Variants in CNTNAP5 observed in about 807,000 individuals in gnomAD.
CNTNAP5 encodes contactin-associated protein-like 5.
CNTNAP5 carries 72 observed loss-of-function variants against 150.2 expected under a neutral mutation model. That is an observed-to-expected ratio of 0.48 (90% CI 0.40 to 0.58). The LOEUF (loss-of-function observed/expected upper bound fraction) is 0.58. Ranked by LOEUF, CNTNAP5 falls within the 20% of genes least tolerant of loss-of-function variation. The probability of loss-of-function intolerance (pLI) is 0.00; values close to 1 mark genes in which losing one functional copy is unlikely to be tolerated. For missense variants in CNTNAP5, 1,636 were observed against 1,626.2 expected (o/e 1.01, Z -0.10); for synonymous variants, 672 against 619.8 (o/e 1.08, Z -1.25).
chr2:124,864,873 C>T lies in CNTNAP5; in HGVS notation c.3218-433C>T, dbSNP rs565359192. On this transcript the variant is annotated intron_variant, in intron 19 of 23. Transcript: ENST00000682447. ...TCCCATCATGGGCATTATATATCAA[C>T]GGGTGATAACAGGACTGAGTTCTCT... is the stretch of plus-strand genomic sequence containing the variant. 2.9e-4 allele frequency among the ~76,000 whole-genome samples: 44 copies of T among 152,172 alleles called. No homozygotes were observed. The South Asian group carries it at 5.8e-3, about 20-fold the overall frequency.
intron 3 of CNTNAP5, among the ~76,000 whole-genome samples, chr2:124,375,231 G>T (rs1690615328): frequency 6.6e-6 from 1 of 151,382 alleles, no homozygotes; most frequent in South Asian, 2.1e-4. Flanking sequence ...TCTCTCCAAA[G>T]ATATTTATTA....
intron 3 of CNTNAP5, among the ~76,000 whole-genome samples, chr2:124,342,111 CAT>C: frequency 6.6e-6 from 1 of 152,246 alleles, no homozygotes; most frequent in African/African-American, 2.4e-5. Context: ...TCTTCTGAAA[CAT>C]GTGTTTTCTC....
rs931775510 is a variant in CNTNAP5 at position 124,782,432 on chromosome 2, G to C, written c.2753-7470G>C. Among the ~76,000 whole-genome samples, 5 of 152,124 alleles carry C rather than the reference G, an allele frequency of 3.3e-5. No individual in the cohort carries two copies. The East Asian group carries it at 9.6e-4, about 29-fold the overall frequency. On this transcript the variant is annotated intron_variant, in intron 17 of 23. Coordinates refer to ENST00000682447, the MANE Select transcript of CNTNAP5 (RefSeq NM_001367498.1). ...TATTGTGAAATTGATACCTTTTTCT[G>C]TACTAGAAGGTCATGTGGACCTTAA...
intron 11 of CNTNAP5, among the ~76,000 whole-genome samples, chr2:124,606,907 A>G (rs764771916): frequency 6.6e-6 from 1 of 152,184 alleles, no homozygotes; most frequent in Non-Finnish European, 1.5e-5. Flanking sequence ...GGATGAGGAC[A>G]CAGCGAAACC....
At chr2:124,636,272 GT>G (rs776007979) in intron 12 of CNTNAP5, among the ~76,000 whole-genome samples, 2 of 152,102 alleles carry the variant, frequency 1.3e-5, no homozygotes, top group Non-Finnish European at 2.9e-5. Context: ...TTATAAGTTT[GT>G]TGTGAAGCTT....
At chr2:124,528,816 G>A (rs1030711769) in intron 10 of CNTNAP5, among the ~76,000 whole-genome samples, 41 of 152,050 alleles carry the variant, frequency 2.7e-4, no homozygotes, top group African/African-American at 8.9e-4. Flanking sequence ...AAGTGAGAAA[G>A]GTGGATTGGA....
intron 12 of CNTNAP5, among the ~76,000 whole-genome samples, chr2:124,628,648 A>G (rs1437346905): frequency 1.3e-5 from 2 of 152,300 alleles, no homozygotes; most frequent in East Asian, 3.9e-4. Flanking sequence ...CTACTAAACA[A>G]CTACATTAAC....
At chr2:124,387,090 G>A (rs939902543) in intron 3 of CNTNAP5, among the ~76,000 whole-genome samples, 1 of 152,120 alleles carries the variant, frequency 6.6e-6, no homozygotes, top group Non-Finnish European at 1.5e-5. Flanking sequence ...CCAAAACTAT[G>A]GGAAATAAAT....
chr2:124,245,680 CACACAAATATATATAT>C (rs1346759141), intron 3 of CNTNAP5, among the ~76,000 whole-genome samples: 3 of 149,518 alleles, frequency 2.0e-5, no homozygotes, highest in African/African-American at 4.9e-5. Context: ...TATATATATA[CACACAAATATATATAT>C]ACACACAAAT....
chr2:124,911,396 G>A (rs1678651886), intron 22 of CNTNAP5, 71 bp from the exon 23 acceptor site: 2 of 1,096,066 alleles, frequency 1.8e-6, no homozygotes, highest in African/African-American at 1.6e-5. Flanking sequence ...CATTCCAGGT[G>A]GGCCACACTG....
intron 1 of CNTNAP5, among the ~76,000 whole-genome samples, chr2:124,127,164 C>G (rs532845021): frequency 6.6e-6 from 1 of 152,128 alleles, no homozygotes; most frequent in Non-Finnish European, 1.5e-5. Context: ...AAATCCCTAT[C>G]GTCTCAGCCC....
intron 1 of CNTNAP5, among the ~76,000 whole-genome samples, chr2:124,093,575 T>C (rs1682863470): frequency 6.6e-6 from 1 of 152,204 alleles, no homozygotes; most frequent in Non-Finnish European, 1.5e-5. Flanking sequence ...TCTTATTTTT[T>C]TAGGAGGAAT....
chr2:124,774,869 G>A (rs1047033600), intron 17 of CNTNAP5, among the ~76,000 whole-genome samples: 35 of 152,296 alleles, frequency 2.3e-4, no homozygotes, highest in African/African-American at 7.9e-4. Context: ...CAAGTCAAAA[G>A]GGAAAGGCGG....
At chr2:124,859,901 G>A (rs1353231186) in intron 19 of CNTNAP5, among the ~76,000 whole-genome samples, 6 of 152,232 alleles carry the variant, frequency 3.9e-5, no homozygotes, top group Admixed American at 3.9e-4. Flanking sequence ...ATACACTGGG[G>A]CCTGTGGTGG....
In CNTNAP5 at chr2:124,561,008, C is replaced by T. The variant is rs949545514; in HGVS notation, c.1650-2209C>T. ...ACAGAATAAGCACCTATTGAGTGTG[C>T]TTTGCTCAGTTTTTCTTTCTTAAGG... On this transcript the variant is annotated intron_variant, in intron 10 of 23. Coordinates refer to ENST00000682447, the MANE Select transcript of CNTNAP5 (RefSeq NM_001367498.1). Among the ~76,000 whole-genome samples, 5 of 151,926 alleles carry T rather than the reference C, an allele frequency of 3.3e-5. No homozygotes were observed. In the East Asian group the frequency reaches 7.7e-4, roughly 23 times the overall value.
intron 1 of CNTNAP5, among the ~76,000 whole-genome samples, chr2:124,056,340 G>A (rs1681845047): frequency 6.6e-6 from 1 of 152,110 alleles, no homozygotes; most frequent in Admixed American, 6.5e-5. Flanking sequence ...CAACTGGAGT[G>A]ATGGCCAGGC....
intron 12 of CNTNAP5, among the ~76,000 whole-genome samples, chr2:124,633,313 G>T (rs561804760): frequency 6.6e-6 from 1 of 152,142 alleles, no homozygotes; most frequent in Non-Finnish European, 1.5e-5. Flanking sequence ...GATACAATGG[G>T]GTTATAGGCA....
intron 19 of CNTNAP5, among the ~76,000 whole-genome samples, chr2:124,808,066 G>A (rs1573630524): frequency 6.6e-6 from 1 of 152,250 alleles, no homozygotes; most frequent in Non-Finnish European, 1.5e-5. Context: ...GATGCAGCAA[G>A]AGCCTCCAGC....
At chr2:124,516,458 T>G (rs1212800897) in intron 8 of CNTNAP5, among the ~76,000 whole-genome samples, 3 of 152,254 alleles carry the variant, frequency 2.0e-5, no homozygotes, top group Non-Finnish European at 4.4e-5. Context: ...TGTTTCCATT[T>G]TACAGATGAT....
Sources: allele counts gnomAD v4.1 joint callset (sites outside exome capture counted in the v4.1 genomes callset), GRCh38; gene constraint gnomAD v4.1.1; transcripts MANE v1.5; gene names NCBI Gene and HGNC (gene_info 2026-07-23, HGNC 2026-07-21).